The following BTRC variants were observed in gnomAD, a reference collection of about 807,000 sequenced individuals.
BTRC encodes the protein beta-transducin repeat containing E3 ubiquitin protein ligase, also known as F-box/WD repeat-containing protein 1A.
A neutral mutation model predicts 85.5 loss-of-function variants in BTRC; 42 were observed. The ratio of observed to expected loss-of-function variants is 0.49; its 90% CI spans 0.38 to 0.64. The LOEUF is 0.64. Among genes scored for constraint, BTRC ranks in the 30% least tolerant of loss-of-function variants. BTRC has a pLI of 0.00. For synonymous variants in BTRC, 255 were observed against 263.3 expected, an observed-to-expected ratio of 0.97 and a Z score of 0.30; for missense variants, 594 against 743.5, an observed-to-expected ratio of 0.80 and a Z score of 2.34.
chr10:101,473,141 T>TC (rs1278071506), intron 3 of BTRC, among the ~76,000 whole-genome samples: 1 of 151,868 alleles, frequency 6.6e-6, no homozygotes, highest in African/African-American at 2.4e-5. Context: ...CGATCTTTTT[T>TC]TTTTCTTTTC....
chr10:101,405,642 G>A (rs1284102441), intron 1 of BTRC, among the ~76,000 whole-genome samples: 1 of 152,120 alleles, frequency 6.6e-6, no homozygotes, highest in Non-Finnish European at 1.5e-5. Context: ...TTACCTGCTA[G>A]TATTTAATTT....
intron 4 of BTRC, among the ~76,000 whole-genome samples, chr10:101,513,182 C>T (rs2061978633): frequency 6.6e-6 from 1 of 152,052 alleles, no homozygotes; most frequent in Non-Finnish European, 1.5e-5. Context: ...AGGGGCATGA[C>T]AACAAAGACC....
In BTRC at chr10:101,437,725, T is replaced by C. The variant is rs554103261; in HGVS notation, c.156+7273T>C. On this transcript the variant is annotated intron_variant, in intron 2 of 14. Transcript: ENST00000370187. The stretch of plus-strand genomic sequence containing the variant: ...TTGAACAAAGTTTGAATTTGGCTTA[T>C]ATCTGACCACCACCTCCCTCTCATG... Among the ~76,000 whole-genome samples the C allele has an allele frequency of 2.0e-5, 3 of 152,346 alleles. No individual in the cohort carries two copies. The South Asian group carries it at 6.2e-4, about 32-fold the overall frequency.
intron 13 of BTRC, among the ~76,000 whole-genome samples, chr10:101,539,561 T>C (rs1283931368): frequency 1.3e-5 from 2 of 152,258 alleles, no homozygotes; most frequent in African/African-American, 4.8e-5. Context: ...AGTAGTATTC[T>C]ATTGTATGGT....
intron 1 of BTRC, among the ~76,000 whole-genome samples, chr10:101,394,999 G>T (rs1457371045): frequency 6.6e-6 from 1 of 152,172 alleles, no homozygotes; most frequent in Non-Finnish European, 1.5e-5. Context: ...CAAAAATCCA[G>T]TCTCACATGA....
intron 3 of BTRC, among the ~76,000 whole-genome samples, chr10:101,468,418 G>T (rs1377479532): frequency 6.6e-6 from 1 of 151,898 alleles, no homozygotes; most frequent in Non-Finnish European, 1.5e-5. Flanking sequence ...GTGGGAGGAA[G>T]CCTGTTGTGC....
chr10:101,535,265 C>G, intron 10 of BTRC, 89 bp from the exon 11 acceptor site: 1 of 968,084 alleles, frequency 1.0e-6, no homozygotes, highest in Admixed American at 2.0e-5. Flanking sequence ...TGGTTCAGTC[C>G]TGTTTTCTGC....
intron 3 of BTRC, among the ~76,000 whole-genome samples, chr10:101,463,403 C>G (rs1210291356): frequency 6.6e-6 from 1 of 151,896 alleles, no homozygotes; most frequent in Non-Finnish European, 1.5e-5. Context: ...TGTTCTCAGA[C>G]CCCTGACCTC....
At chr10:101,458,787 T>G (rs1330017482) in intron 2 of BTRC, among the ~76,000 whole-genome samples, 2 of 152,230 alleles carry the variant, frequency 1.3e-5, no homozygotes, top group East Asian at 3.8e-4. Context: ...AGTGATGTGC[T>G]GTTTTCAGTA....
chr10:101,482,232 G>T (rs968057462), intron 4 of BTRC, among the ~76,000 whole-genome samples: 4 of 152,102 alleles, frequency 2.6e-5, no homozygotes, highest in South Asian at 4.2e-4. Context: ...TGTTGGCCAG[G>T]CTGGTCTCGA....
chr10:101,386,543 T>TA (rs1162365253), intron 1 of BTRC, among the ~76,000 whole-genome samples: 1 of 152,266 alleles, frequency 6.6e-6, no homozygotes, highest in Non-Finnish European at 1.5e-5. Context: ...GTTTGGATTT[T>TA]ATCTTATGTT....
intron 1 of BTRC, among the ~76,000 whole-genome samples, chr10:101,382,488 TAA>T (rs553173276): frequency 6.6e-6 from 1 of 152,060 alleles, no homozygotes; most frequent in Non-Finnish European, 1.5e-5. Flanking sequence ...TAGATCAGGG[TAA>T]AAAATTTGGC....
chr10:101,457,626 A>G (rs1047171383), intron 2 of BTRC, among the ~76,000 whole-genome samples: 4 of 152,172 alleles, frequency 2.6e-5, no homozygotes, highest in African/African-American at 4.8e-5. Context: ...ACATTCTGCA[A>G]TTTATTTACT....
rs1254669761 is a variant in BTRC at position 101,538,012 on chromosome 10, C to T, written c.1578-281C>T. 2.6e-5 allele frequency among the ~76,000 whole-genome samples: 4 copies of T among 152,122 alleles called. No individual in the cohort carries two copies. In the East Asian group the frequency reaches 5.8e-4, roughly 22 times the overall value. On this transcript the variant is annotated intron_variant, in intron 12 of 14. Transcript: ENST00000370187. ...GACCTGGGCCACTCTTAGAAGTGCC[C>T]AGGAAGAGGATGCTTCACAGTTGTA...
chr10:101,383,686 T>A (rs958623544), intron 1 of BTRC, among the ~76,000 whole-genome samples: 3 of 152,180 alleles, frequency 2.0e-5, no homozygotes, highest in Non-Finnish European at 4.4e-5. Flanking sequence ...TCTACTTGTT[T>A]GCTTTCTTTA....
At chr10:101,443,661 TA>T (rs1233912160) in intron 2 of BTRC, among the ~76,000 whole-genome samples, 7 of 152,264 alleles carry the variant, frequency 4.6e-5, no homozygotes, top group Non-Finnish European at 8.8e-5. Flanking sequence ...AATATGCCAT[TA>T]TTTTGTAGGC....
intron 7 of BTRC, among the ~76,000 whole-genome samples, chr10:101,532,045 A>C (rs2062290971): frequency 6.6e-6 from 1 of 152,206 alleles, no homozygotes; most frequent in African/African-American, 2.4e-5. Context: ...GTCTCTTTCC[A>C]CCAGATTTAT....
intron 2 of BTRC, among the ~76,000 whole-genome samples, chr10:101,447,522 A>T (rs1244170019): frequency 1.3e-5 from 2 of 152,172 alleles, no homozygotes; most frequent in Non-Finnish European, 2.9e-5. Context: ...GTATTCACTA[A>T]TTCTGTACTG....
chr10:101,498,512 A>G (rs995417686), intron 4 of BTRC, among the ~76,000 whole-genome samples: 1 of 152,004 alleles, frequency 6.6e-6, no homozygotes, highest in Non-Finnish European at 1.5e-5. Context: ...TTTCTTCACA[A>G]TTCTATCCTC....
Sources: allele counts gnomAD v4.1 joint callset (sites outside exome capture counted in the v4.1 genomes callset), GRCh38; gene constraint gnomAD v4.1.1; transcripts MANE v1.5; gene names NCBI Gene and HGNC (gene_info 2026-07-23, HGNC 2026-07-21).